Variants in SAMD3 observed in about 807,000 individuals in gnomAD.
SAMD3 encodes the protein sterile alpha motif domain-containing protein 3.
In SAMD3, 63 loss-of-function variants were observed where a neutral mutation model predicts 58.5. That is an observed-to-expected ratio of 1.08 (90% CI 0.88 to 1.33). The LOEUF (loss-of-function observed/expected upper bound fraction) is 1.33, where lower values mean the gene tolerates loss of function less well. SAMD3 is among the 40% of genes most tolerant of loss of function. SAMD3 has a pLI of 0.00. For synonymous variants in SAMD3, 220 were observed against 210.3 expected, an observed-to-expected ratio of 1.05 and a Z score of -0.40; for missense variants, 604 against 608.4, an observed-to-expected ratio of 0.99 and a Z score of 0.08.
chr6:130,285,653 C>T (rs776948051), intron 2 of SAMD3, among the ~76,000 whole-genome samples: 12 of 152,176 alleles, frequency 7.9e-5, no homozygotes, highest in South Asian at 4.1e-4. Context: ...CTGTTATATG[C>T]GATAAGCATG....
chr6:130,144,769 GT>G lies in SAMD3; in HGVS notation c.1313del (p.Asn438ThrfsTer14), dbSNP rs1788464184. 2 of 1,613,766 alleles carry G rather than the reference GT, an allele frequency of 1.2e-6. No homozygotes were observed. Among genetic ancestry groups the G allele is most frequent in the Non-Finnish European group, 1.7e-6 (2 of 1,179,944 alleles). On this transcript the variant is annotated frameshift_variant, in exon 12 of 12. Transcript: ENST00000439090. LOFTEE classifies it high-confidence loss of function. ...QVSTPVLEVK[N>X]PFNMEVCEFS... ...ATTCGCAGACCTCCATGTTGAAAGG[GT>G]TTTTAACTTCCAACACAGGTGTGGA...
intron 2 of SAMD3, among the ~76,000 whole-genome samples, chr6:130,262,816 T>G (rs1774190985): frequency 6.6e-6 from 1 of 152,128 alleles, no homozygotes; most frequent in Non-Finnish European, 1.5e-5. Flanking sequence ...TTTAATCAAG[T>G]TTCAAAATGT....
At chr6:130,177,284 C>T (rs954682079) in intron 7 of SAMD3, among the ~76,000 whole-genome samples, 34 of 152,210 alleles carry the variant, frequency 2.2e-4, no homozygotes, top group African/African-American at 7.0e-4. Context: ...ACAGAGAATT[C>T]GTCAGAACAG....
At chr6:130,229,651 A>T (rs1382430877) in intron 2 of SAMD3, among the ~76,000 whole-genome samples, 1 of 152,206 alleles carries the variant, frequency 6.6e-6, no homozygotes, top group Non-Finnish European at 1.5e-5. Context: ...TGCTTCCATT[A>T]TGGCATTTGT....
At chr6:130,146,316 G>T in intron 9 of SAMD3, 135 bp from the exon 10 acceptor site, 2 of 443,458 alleles carry the variant, frequency 4.5e-6, no homozygotes, top group Middle Eastern at 6.2e-4. Flanking sequence ...AGAAGTTTTA[G>T]TGGAGAATTA....
intron 9 of SAMD3, among the ~76,000 whole-genome samples, chr6:130,150,000 C>T (rs1788998627): frequency 6.6e-6 from 1 of 151,902 alleles, no homozygotes; most frequent in South Asian, 2.1e-4. Flanking sequence ...TTCACAGCTC[C>T]TTTCTTTTCA....
rs188150433 is a variant in SAMD3, at chr6:130,294,199, T to G, written c.-188+18779A>C. On this transcript the variant is annotated intron_variant, in intron 2 of 13. Transcript: ENST00000368134. ...ACTGCTTACTTAACAGGATAACTAT[T>G]TTTCTTCTTTAATTTCAATTTGGAT... 1.5e-3 allele frequency among the ~76,000 whole-genome samples: 234 copies of G among 152,252 alleles called. 3 individuals carry two copies. Among genetic ancestry groups the G allele is most frequent in the Middle Eastern group, 3.4e-3 (1 of 294 alleles).
intron 2 of SAMD3, among the ~76,000 whole-genome samples, chr6:130,300,971 G>GC (rs901263075): frequency 6.6e-6 from 1 of 151,720 alleles, no homozygotes. Flanking sequence ...CCCTCCCTCA[G>GC]CCCCCCACCT....
intron 2 of SAMD3, among the ~76,000 whole-genome samples, chr6:130,290,939 A>C (rs949990495): frequency 1.3e-5 from 2 of 152,168 alleles, no homozygotes; most frequent in East Asian, 3.9e-4. Context: ...TCTGAGTATA[A>C]GGACAGCAGT....
chr6:130,265,141 A>C (rs994335188), intron 2 of SAMD3, among the ~76,000 whole-genome samples: 1 of 152,184 alleles, frequency 6.6e-6, no homozygotes, highest in Non-Finnish European at 1.5e-5. Context: ...ATCTATGAAA[A>C]TCCCCGCATA....
chr6:130,270,112 GAC>G (rs1176540580), intron 2 of SAMD3, among the ~76,000 whole-genome samples: 2 of 152,094 alleles, frequency 1.3e-5, no homozygotes, highest in Admixed American at 6.5e-5. Context: ...GACAGAGTGT[GAC>G]AGTGTGTCAC....
At chr6:130,364,973 C>T (rs1461031769) in intron 1 of SAMD3, 1 of 152,992 alleles carries the variant, frequency 6.5e-6, no homozygotes, top group African/African-American at 2.6e-5. Context: ...TAAACAAATA[C>T]ACTGCACCAG....
chr6:130,215,311 C>T lies in SAMD3; in HGVS notation c.-21-17G>A. 6.8e-7 allele frequency: 1 copy of T among 1,481,264 alleles called. No homozygotes were observed. The highest frequency in any genetic ancestry group is 1.3e-5 in the South Asian group (1 of 77,936). The allele number at this position is 1,481,264 out of a possible 1,614,324, so 91.8% of individuals were successfully genotyped here. The stretch of plus-strand genomic sequence containing the variant: ...TAAATACACCTGTAGAGCAAAAGGT[C>T]AGAGAATTCTCCAGCTTTTCTTTCT... On this transcript the variant is annotated splice_polypyrimidine_tract_variant and intron_variant, in intron 2 of 11. Transcript: ENST00000439090.
upstream of SAMD3, chr6:130,365,571 C>G (rs1207771946): frequency 2.0e-6 from 2 of 985,262 alleles, no homozygotes; most frequent in African/African-American, 3.5e-5. Context: ...TGCGAGTCGG[C>G]TGGAGCTCCC....
At chr6:130,181,895 G>T (rs1225418344) in intron 7 of SAMD3, among the ~76,000 whole-genome samples, 3 of 151,802 alleles carry the variant, frequency 2.0e-5, no homozygotes, top group Non-Finnish European at 4.4e-5. Context: ...GAAAATCCAT[G>T]TCTACTAAAA....
At chr6:130,322,871 G>A (rs1776631560) in intron 1 of SAMD3, among the ~76,000 whole-genome samples, 1 of 152,190 alleles carries the variant, frequency 6.6e-6, no homozygotes, top group African/African-American at 2.4e-5. Context: ...CCCACTAGGT[G>A]GCAGTATGGG....
chr6:130,244,635 G>T (rs1773475297), intron 2 of SAMD3, among the ~76,000 whole-genome samples: 1 of 152,070 alleles, frequency 6.6e-6, no homozygotes, highest in African/African-American at 2.4e-5. Flanking sequence ...AGCTACTCGG[G>T]AGGCCGAGGC....
At chr6:130,276,520 T>C (rs532586443) in intron 2 of SAMD3, among the ~76,000 whole-genome samples, 1 of 152,208 alleles carries the variant, frequency 6.6e-6, no homozygotes, top group South Asian at 2.1e-4. Context: ...TTAAAAATAT[T>C]ATAAAGCTAT....
exon 1 of SAMD3, chr6:130,365,396 T>TGGAC (rs1343383940): frequency 2.0e-6 from 2 of 985,332 alleles, no homozygotes; most frequent in Admixed American, 6.1e-5. Flanking sequence ...GCGGGAAGCG[T>TGGAC]GGACGGAGCG....
Sources: gnomAD v4.1 joint callset for allele counts (sites outside exome capture counted in the v4.1 genomes callset) on GRCh38, gnomAD v4.1.1 for gene constraint, MANE v1.5 for transcripts, NCBI Gene and HGNC (gene_info 2026-07-23, HGNC 2026-07-21) for gene names.